Variants in NCOA3 observed in about 807,000 individuals in gnomAD.
NCOA3 encodes CBP-interacting protein.
A neutral mutation model predicts 158.8 loss-of-function variants in NCOA3; 51 were observed. The ratio of observed to expected loss-of-function variants is 0.32; its 90% confidence interval spans 0.26 to 0.41. The LOEUF (loss-of-function observed/expected upper bound fraction) is 0.41, where lower values mean the gene tolerates loss of function less well. NCOA3 is among the 10% of genes least tolerant of loss of function. The probability of loss-of-function intolerance (pLI) is 1.00; values close to 1 mark genes in which losing one functional copy is unlikely to be tolerated. For missense variants in NCOA3, 1,510 were observed against 1,746.6 expected (o/e 0.86, Z 2.41); for synonymous variants, 537 against 592.4 (o/e 0.91, Z 1.36).
intron 2 of NCOA3, among the ~76,000 whole-genome samples, chr20:47,585,506 C>T (rs961408444): frequency 4.6e-5 from 7 of 152,098 alleles, no homozygotes; most frequent in African/African-American, 1.7e-4. Flanking sequence ...GTCTTTGAAT[C>T]CCACCGTACT....
At chr20:47,515,309 C>T (rs1029288586) in intron 1 of NCOA3, among the ~76,000 whole-genome samples, 11 of 151,520 alleles carry the variant, frequency 7.3e-5, no homozygotes, top group African/African-American at 2.2e-4. Context: ...ACTACAGGCG[C>T]GCACCACCAT....
chr20:47,563,516 C>A (rs1447748735), intron 1 of NCOA3, among the ~76,000 whole-genome samples: 2 of 152,134 alleles, frequency 1.3e-5, no homozygotes, highest in Non-Finnish European at 2.9e-5. Context: ...TTAAACCATG[C>A]CCTCAATTCA....
At position 47,517,202 on chromosome 20, in the gene NCOA3, C is replaced by T. The variant is rs141259146; in HGVS notation, c.-99+15183C>T. 1.3e-3 allele frequency among the ~76,000 whole-genome samples: 197 copies of T among 152,096 alleles called. 1 individual carries two copies. In the Middle Eastern group the frequency reaches 0.024, roughly 18 times the overall value. On this transcript the variant is annotated intron_variant, in intron 1 of 22. Transcript: ENST00000371998. ...CACTGCACTCCAGCCTGGGTGACAGCGAGACTCCGTCTCCTCCCCAAAAAA... is the reference window on the plus strand; with the variant it reads ...CACTGCACTCCAGCCTGGGTGACAGTGAGACTCCGTCTCCTCCCCAAAAAA...
At chr20:47,600,170 A>AT (rs1555809774) in intron 2 of NCOA3, among the ~76,000 whole-genome samples, 4,112 of 135,516 alleles carry the variant, frequency 0.03, 189 homozygotes, top group African/African-American at 0.11. Context: ...ATATATATAT[A>AT]TTTTTTTATT....
intron 2 of NCOA3, among the ~76,000 whole-genome samples, chr20:47,611,743 G>A (rs969739350): frequency 2.6e-5 from 4 of 152,126 alleles, no homozygotes; most frequent in African/African-American, 9.7e-5. Context: ...AGTAAGCCGA[G>A]ATTGCGCCAC....
chr20:47,640,373 T>C (rs548789615), intron 16 of NCOA3, among the ~76,000 whole-genome samples: 2 of 152,310 alleles, frequency 1.3e-5, no homozygotes, highest in African/African-American at 4.8e-5. Context: ...GATAAGTACA[T>C]GTTTCTAGTG....
At chr20:47,528,375 G>T (rs1407190700) in intron 1 of NCOA3, among the ~76,000 whole-genome samples, 1 of 152,002 alleles carries the variant, frequency 6.6e-6, no homozygotes, top group Non-Finnish European at 1.5e-5. Flanking sequence ...TTCCTTGTCT[G>T]TTTCATTATT....
At chr20:47,556,789 G>A (rs1201815018) in intron 1 of NCOA3, among the ~76,000 whole-genome samples, 3 of 152,148 alleles carry the variant, frequency 2.0e-5, no homozygotes, top group Non-Finnish European at 2.9e-5. Context: ...AAGCATTACA[G>A]TCTCAAAAGA....
intron 2 of NCOA3, 23 bp from the exon 3 acceptor site, chr20:47,622,206 T>C: frequency 7.8e-7 from 1 of 1,288,214 alleles, no homozygotes; most frequent in Non-Finnish European, 1.1e-6. Flanking sequence ...GTACTTATCT[T>C]ATTTCTCATT....
chr20:47,574,773 G>T (rs2085347564), intron 1 of NCOA3, among the ~76,000 whole-genome samples: 1 of 152,054 alleles, frequency 6.6e-6, no homozygotes, highest in South Asian at 2.1e-4. Context: ...GCATTGTGTT[G>T]AATGTTGAGT....
intron 1 of NCOA3, among the ~76,000 whole-genome samples, chr20:47,521,465 C>G (rs1012324604): frequency 2.0e-5 from 3 of 152,098 alleles, no homozygotes; most frequent in African/African-American, 7.2e-5. Context: ...TCCTGACGCA[C>G]GTGGCCTCTG....
chr20:47,593,472 G>T (rs370736757), intron 2 of NCOA3, among the ~76,000 whole-genome samples: 16 of 149,930 alleles, frequency 1.1e-4, no homozygotes, highest in African/African-American at 3.7e-4. Context: ...CTCCGGAGTA[G>T]CTGCGACTAC....
intron 2 of NCOA3, among the ~76,000 whole-genome samples, chr20:47,606,833 C>T (rs1048994239): frequency 1.3e-5 from 2 of 152,178 alleles, no homozygotes; most frequent in Non-Finnish European, 2.9e-5. Flanking sequence ...ACAGGGAAAA[C>T]ATCTGACTGT....
At chr20:47,541,315 C>G (rs1288411923) in intron 1 of NCOA3, among the ~76,000 whole-genome samples, 1 of 109,922 alleles carries the variant, frequency 9.1e-6, no homozygotes, top group Non-Finnish European at 1.9e-5. Context: ...AATGTTCTCT[C>G]TGTCCCCCCT....
At chr20:47,504,494 T>C (rs1415959766) in intron 1 of NCOA3, among the ~76,000 whole-genome samples, 2 of 149,002 alleles carry the variant, frequency 1.3e-5, no homozygotes, top group Non-Finnish European at 3.0e-5. Flanking sequence ...TTTTTTTTTT[T>C]TTTTTTTTTA....
At chr20:47,510,779 G>A (rs2084109310) in intron 1 of NCOA3, among the ~76,000 whole-genome samples, 1 of 152,034 alleles carries the variant, frequency 6.6e-6, no homozygotes, top group African/African-American at 2.4e-5. Flanking sequence ...GTTTTGTATA[G>A]AAGGTGTGTC....
intron 2 of NCOA3, among the ~76,000 whole-genome samples, chr20:47,589,291 T>C (rs1249503860): frequency 6.6e-6 from 1 of 152,198 alleles, no homozygotes; most frequent in African/African-American, 2.4e-5. Context: ...TTTGGTAACT[T>C]GATTAATTGA....
chr20:47,593,218 C>T (rs1384669783), intron 2 of NCOA3, among the ~76,000 whole-genome samples: 3 of 151,944 alleles, frequency 2.0e-5, no homozygotes, highest in Non-Finnish European at 4.4e-5. Context: ...CAGGCCTGAG[C>T]CACTGCACCC....
At chr20:47,629,350 C>T (rs1260268184) in intron 8 of NCOA3, among the ~76,000 whole-genome samples, 2 of 148,172 alleles carry the variant, frequency 1.3e-5, no homozygotes, top group Admixed American at 6.8e-5. Context: ...TTTTTTGAGA[C>T]GGAGTTTTGC....
Sources: allele counts gnomAD v4.1 joint callset (sites outside exome capture counted in the v4.1 genomes callset), GRCh38; gene constraint gnomAD v4.1.1; transcripts MANE v1.5; gene names NCBI Gene and HGNC (gene_info 2026-07-23, HGNC 2026-07-21).